The following MALT1 variants were observed in gnomAD, a reference collection of about 807,000 sequenced individuals.
MALT1 encodes the protein MALT1 paracaspase, also known as mucosa-associated lymphoid tissue lymphoma translocation protein 1.
In MALT1, 36 loss-of-function variants were observed where a neutral mutation model predicts 85.5. The ratio of observed to expected loss-of-function variants is 0.42; its 90% CI spans 0.32 to 0.56. MALT1 has a LOEUF of 0.56. Ranked by LOEUF, MALT1 falls within the 20% of genes least tolerant of loss-of-function variation. The probability of loss-of-function intolerance (pLI) is 0.10; values close to 1 mark genes in which losing one functional copy is unlikely to be tolerated. For synonymous variants in MALT1, 359 were observed against 361.3 expected, an observed-to-expected ratio of 0.99 and a Z score of 0.07; for missense variants, 716 against 981.6, an observed-to-expected ratio of 0.73 and a Z score of 3.62.
At chr18:58,744,553 A>G in intron 15 of MALT1, 58 bp downstream of exon 15, 1 of 1,126,840 alleles carries the variant, frequency 8.9e-7, no homozygotes, top group Non-Finnish European at 1.2e-6. Flanking sequence ...TAAAGACTAA[A>G]TTTTTTAAAA....
chr18:58,731,586 G>T (rs1023374030), intron 10 of MALT1, among the ~76,000 whole-genome samples: 1 of 152,050 alleles, frequency 6.6e-6, no homozygotes, highest in Non-Finnish European at 1.5e-5. Context: ...AATCTACCTC[G>T]CTCTCTCTCT....
chr18:58,700,708 G>A (rs2054659360), intron 4 of MALT1, 117 bp downstream of exon 4: 2 of 791,242 alleles, frequency 2.5e-6, no homozygotes, highest in Non-Finnish European at 3.7e-6. Context: ...ATTTCACATA[G>A]GTACTTCATC....
intron 15 of MALT1, among the ~76,000 whole-genome samples, chr18:58,745,344 A>G (rs1460763460): frequency 6.6e-6 from 1 of 152,252 alleles, no homozygotes; most frequent in Non-Finnish European, 1.5e-5. Flanking sequence ...GAGAGAATCC[A>G]GGAGTCAAAC....
chr18:58,700,018 T>G (rs2054649040), intron 3 of MALT1, among the ~76,000 whole-genome samples: 1 of 152,246 alleles, frequency 6.6e-6, no homozygotes, highest in African/African-American at 2.4e-5. Context: ...TCTTCCCAGC[T>G]AATGTGGTCA....
intron 14 of MALT1, among the ~76,000 whole-genome samples, chr18:58,743,950 A>T (rs1039484282): frequency 1.3e-5 from 2 of 151,974 alleles, no homozygotes; most frequent in Admixed American, 1.3e-4. Context: ...AAACAATAAA[A>T]CCCAGAGGTA....
At chr18:58,672,503 C>G (rs2144288006) in intron 1 of MALT1, 1 of 152,054 alleles carries the variant, frequency 6.6e-6, no homozygotes, top group East Asian at 1.9e-4. Flanking sequence ...CTCGAGACTC[C>G]TTTACCCTCT....
intron 10 of MALT1, among the ~76,000 whole-genome samples, chr18:58,725,281 C>G (rs182995050): frequency 6.3e-4 from 96 of 152,192 alleles, no homozygotes; most frequent in African/African-American, 2.2e-3. Context: ...AAGATCACAC[C>G]ACTGTACTGC....
chr18:58,700,391 A>G (rs747127808), intron 3 of MALT1, 50 bp from the exon 4 acceptor site: 3 of 1,397,116 alleles, frequency 2.1e-6, no homozygotes, highest in African/African-American at 1.5e-5. Flanking sequence ...CATATTTTAT[A>G]AGGTGTGTTT....
At chr18:58,730,560 T>G (rs1426940254) in intron 10 of MALT1, among the ~76,000 whole-genome samples, 1 of 152,234 alleles carries the variant, frequency 6.6e-6, no homozygotes, top group African/African-American at 2.4e-5. Flanking sequence ...CATGGACATT[T>G]TTGGACATGA....
chr18:58,700,468 A>T lies in MALT1; in HGVS notation c.526A>T (p.Ile176Phe). The change falls in exon 4 of 17, where the codon ATT (isoleucine) becomes TTT (phenylalanine). Residue 176 changes from isoleucine to phenylalanine, a missense_variant. Physicochemically the swap from Ile to Phe is conservative, Grantham distance 21. Around this residue, in one of 4 missense-constraint regions of MALT1, gnomAD observed 290 missense variants for 380.5 expected, o/e 0.76. Transcript: ENST00000649217. ...TCCAAATGGAAATACATCAGAGCTT[A>T]TTTTTAATGCAGTGCATGTAAAAGA... Reference protein sequence around the residue: ...EIPNGNTSELIFNAVHVKDAG... With the variant: ...EIPNGNTSELFFNAVHVKDAG... 1.2e-5 allele frequency: 20 copies of T among 1,604,156 alleles called. No individual in the cohort carries two copies. The highest frequency in any genetic ancestry group is 1.6e-5 in the Non-Finnish European group (19 of 1,177,412).
intron 2 of MALT1, among the ~76,000 whole-genome samples, chr18:58,693,233 C>T (rs1229870299): frequency 6.6e-6 from 1 of 152,074 alleles, no homozygotes; most frequent in East Asian, 1.9e-4. Flanking sequence ...CCAGCCTGGG[C>T]AACATGGTGA....
intron 2 of MALT1, among the ~76,000 whole-genome samples, chr18:58,686,596 T>A (rs1342055110): frequency 6.6e-6 from 1 of 152,226 alleles, no homozygotes; most frequent in Non-Finnish European, 1.5e-5. Flanking sequence ...GGTGCCTCAC[T>A]GAGGGTACCT....
intron 1 of MALT1, among the ~76,000 whole-genome samples, chr18:58,676,998 A>T (rs2054250063): frequency 1.3e-5 from 2 of 152,214 alleles, no homozygotes; most frequent in Admixed American, 1.3e-4. Context: ...AGATATTTTT[A>T]AAAAGTAAAG....
Position 58,745,692 on chromosome 18 carries a change from A to G in MALT1, c.1938A>G (p.Ala646=). Residue 646 remains alanine (A), a synonymous_variant, in exon 16 of 17, where the codon GCA becomes GCG. Coordinates refer to ENST00000649217, the MANE Select transcript of MALT1 (RefSeq NM_006785.4). ...ATCTAGATATTGATCCAAAAGATGCAAATAAAGGCACACCTGAAGAAACTG... is the reference window on the plus strand; with the variant it reads ...ATCTAGATATTGATCCAAAAGATGCGAATAAAGGCACACCTGAAGAAACTG... ...PLDLDIDPKD[A]NKGTPEETGS... is the part of the protein sequence containing the mutation. 6.2e-7 allele frequency: 1 copy of G among 1,613,694 alleles called. No homozygotes were observed. Among genetic ancestry groups the G allele is most frequent in the East Asian group, 2.2e-5 (1 of 44,854 alleles).
chr18:58,729,357 C>T (rs911173184), intron 10 of MALT1, among the ~76,000 whole-genome samples: 17 of 151,844 alleles, frequency 1.1e-4, no homozygotes, highest in African/African-American at 2.9e-4. Flanking sequence ...GGCATGGTGG[C>T]GTATGCCTGT....
intron 4 of MALT1, among the ~76,000 whole-genome samples, chr18:58,701,684 C>T (rs2054674772): frequency 6.6e-6 from 1 of 152,210 alleles, no homozygotes; most frequent in Non-Finnish European, 1.5e-5. Flanking sequence ...AAACTACTTA[C>T]ACAACTATCA....
At chr18:58,680,786 G>A (rs1187011796) in intron 1 of MALT1, among the ~76,000 whole-genome samples, 8 of 151,810 alleles carry the variant, frequency 5.3e-5, no homozygotes, top group African/African-American at 7.3e-5. Flanking sequence ...AGCCGGGCGC[G>A]GTGGCGGGCG....
chr18:58,681,381 A>C, intron 2 of MALT1, 45 bp downstream of exon 2: 13 of 1,541,376 alleles, frequency 8.4e-6, no homozygotes, highest in Non-Finnish European at 1.1e-5. Flanking sequence ...TCATGGAGCC[A>C]AACTTAGAAG....
At chr18:58,690,750 G>T (rs746678282) in intron 2 of MALT1, 76 of 201,704 alleles carry the variant, frequency 3.8e-4, no homozygotes, top group Non-Finnish European at 2.2e-4. Flanking sequence ...CTTCTCAGGG[G>T]TGTCAAGCAG....
Sources: allele counts gnomAD v4.1 joint callset (sites outside exome capture counted in the v4.1 genomes callset), GRCh38; gene constraint gnomAD v4.1.1; regional missense constraint gnomAD v4.1.1; transcripts MANE v1.5; gene names NCBI Gene and HGNC (gene_info 2026-07-23, HGNC 2026-07-21).